RCAN2: variants seen among roughly 807,000 people sequenced by gnomAD.
RCAN2 encodes calcipressin-2.
A neutral mutation model predicts 23.6 loss-of-function variants in RCAN2; 9 were observed. The ratio of observed to expected loss-of-function variants is 0.38; its 90% confidence interval spans 0.23 to 0.67. The LOEUF (loss-of-function observed/expected upper bound fraction) is 0.67, where lower values mean the gene tolerates loss of function less well. Ranked by LOEUF, RCAN2 falls within the 30% of genes least tolerant of loss-of-function variation. The probability of loss-of-function intolerance (pLI) is 0.51; values close to 1 mark genes in which losing one functional copy is unlikely to be tolerated. For missense variants in RCAN2, 273 were observed against 302.3 expected, an observed-to-expected ratio of 0.90 and a Z score of 0.72; for synonymous variants, 109 against 115.7, an observed-to-expected ratio of 0.94 and a Z score of 0.37.
intron 2 of RCAN2, among the ~76,000 whole-genome samples, chr6:46,304,358 T>G (rs1198528227): frequency 6.6e-6 from 1 of 152,140 alleles, no homozygotes; most frequent in Non-Finnish European, 1.5e-5. Context: ...AATATCTTCT[T>G]CCAGACTGTA....
chr6:46,441,773 T>C (rs1284949873), intron 2 of RCAN2, among the ~76,000 whole-genome samples: 19 of 149,848 alleles, frequency 1.3e-4, no homozygotes, highest in Non-Finnish European at 1.3e-4. Flanking sequence ...CTACACATGT[T>C]CTGTTTCTAT....
At chr6:46,296,864 A>G (rs1288430207) in intron 2 of RCAN2, among the ~76,000 whole-genome samples, 1 of 152,124 alleles carries the variant, frequency 6.6e-6, no homozygotes, top group Admixed American at 6.5e-5. Context: ...TTCTGCTACC[A>G]GTTTCTGCTT....
At chr6:46,432,642 G>GGCCAACGTGTTCACTGACT (rs1209583331) in intron 2 of RCAN2, among the ~76,000 whole-genome samples, 1 of 152,058 alleles carries the variant, frequency 6.6e-6, no homozygotes, top group African/African-American at 2.4e-5. Context: ...CAGCAGACTT[G>GGCCAACGTGTTCACTGACT]GCCAACGTGT....
intron 4 of RCAN2, among the ~76,000 whole-genome samples, chr6:46,241,147 C>T (rs115738722): frequency 3.0e-4 from 45 of 152,278 alleles, no homozygotes; most frequent in African/African-American, 9.9e-4. Context: ...GTGCCACGTG[C>T]GTCTCTATTT....
At chr6:46,473,115 T>C (rs185794462) in intron 1 of RCAN2, among the ~76,000 whole-genome samples, 1 of 152,230 alleles carries the variant, frequency 6.6e-6, no homozygotes, top group African/African-American at 2.4e-5. Flanking sequence ...TGATTAGTTA[T>C]ATGCATGTAT....
chr6:46,247,675 C>T (rs1243033013), intron 3 of RCAN2, among the ~76,000 whole-genome samples: 1 of 152,186 alleles, frequency 6.6e-6, no homozygotes, highest in East Asian at 1.9e-4. Context: ...TAGCATTTAT[C>T]AGTATTTTAG....
At chr6:46,268,873 A>C (rs1050401056) in intron 2 of RCAN2, among the ~76,000 whole-genome samples, 1 of 152,212 alleles carries the variant, frequency 6.6e-6, no homozygotes, top group African/African-American at 2.4e-5. Flanking sequence ...GGGGTCAGCA[A>C]ACTAAGCCCA....
chr6:46,483,835 C>A (rs919415372), intron 1 of RCAN2, among the ~76,000 whole-genome samples: 16 of 152,310 alleles, frequency 1.1e-4, no homozygotes, highest in African/African-American at 3.6e-4. Flanking sequence ...ATGCCCACAG[C>A]AGGACAAAAG....
At chr6:46,452,172 T>C (rs1405466112) in intron 2 of RCAN2, among the ~76,000 whole-genome samples, 3 of 152,272 alleles carry the variant, frequency 2.0e-5, no homozygotes, top group Middle Eastern at 3.4e-3. Context: ...GTGCATAATG[T>C]TTAAGAACAT....
intron 2 of RCAN2, among the ~76,000 whole-genome samples, chr6:46,266,443 A>T (rs1182782082): frequency 6.6e-6 from 1 of 152,152 alleles, no homozygotes; most frequent in Non-Finnish European, 1.5e-5. Flanking sequence ...GGTAGGTGGG[A>T]CACTGTTGGA....
At chr6:46,255,525 G>T (rs534561849) in intron 2 of RCAN2, among the ~76,000 whole-genome samples, 1 of 152,290 alleles carries the variant, frequency 6.6e-6, no homozygotes, top group East Asian at 1.9e-4. Flanking sequence ...TAAGTTTAAG[G>T]TTTCAGAAGG....
chr6:46,335,438 A>G (rs967933194), intron 2 of RCAN2, among the ~76,000 whole-genome samples: 16 of 152,198 alleles, frequency 1.1e-4, no homozygotes, highest in African/African-American at 3.4e-4. Flanking sequence ...AACAACTAAA[A>G]AAGTCCTGTT....
chr6:46,482,583 T>C (rs1267143733), intron 1 of RCAN2, among the ~76,000 whole-genome samples: 1 of 152,200 alleles, frequency 6.6e-6, no homozygotes, highest in Non-Finnish European at 1.5e-5. Flanking sequence ...TATTTGGATT[T>C]TCTTTCCTAA....
chr6:46,347,141 CTGGG>C (rs1764512826), intron 2 of RCAN2, among the ~76,000 whole-genome samples: 1 of 152,216 alleles, frequency 6.6e-6, no homozygotes, highest in Admixed American at 6.5e-5. Flanking sequence ...TCCCAAAGTG[CTGGG>C]ATTACAGGCA....
intron 2 of RCAN2, among the ~76,000 whole-genome samples, chr6:46,309,231 A>C (rs567688275): frequency 6.6e-6 from 1 of 152,202 alleles, no homozygotes. Context: ...TTGCCATTTC[A>C]TAGATAAGCA....
intron 4 of RCAN2, among the ~76,000 whole-genome samples, chr6:46,230,302 C>G (rs952736643): frequency 1.3e-5 from 2 of 152,210 alleles, no homozygotes; most frequent in Non-Finnish European, 2.9e-5. Flanking sequence ...GTCTTCAATG[C>G]TGTCAGACAG....
At chr6:46,440,140 G>A (rs1767492825) in intron 2 of RCAN2, among the ~76,000 whole-genome samples, 3 of 152,202 alleles carry the variant, frequency 2.0e-5, no homozygotes, top group African/African-American at 7.2e-5. Flanking sequence ...GATTTATGAT[G>A]AGGACAAACT....
chr6:46,258,497 C>T (rs751496374), intron 2 of RCAN2, among the ~76,000 whole-genome samples: 1 of 152,198 alleles, frequency 6.6e-6, no homozygotes, highest in Non-Finnish European at 1.5e-5. Flanking sequence ...ATAACTGCTT[C>T]AAGAAAAGAT....
At chr6:46,358,330 C>A (rs994244217) in intron 2 of RCAN2, among the ~76,000 whole-genome samples, 1 of 152,120 alleles carries the variant, frequency 6.6e-6, no homozygotes, top group Non-Finnish European at 1.5e-5. Context: ...GCACACTTCC[C>A]CAGGGCTTCC....
Sources: allele counts gnomAD v4.1 joint callset (sites outside exome capture counted in the v4.1 genomes callset), GRCh38; gene constraint gnomAD v4.1.1; transcripts MANE v1.5; gene names NCBI Gene and HGNC (gene_info 2026-07-23, HGNC 2026-07-21).